The following DENND6B variants were observed in gnomAD, a reference collection of about 807,000 sequenced individuals.
DENND6B encodes the protein DENN domain containing 6B.
In DENND6B, 73 loss-of-function variants were observed where a neutral mutation model predicts 85.1. That is an observed-to-expected ratio of 0.86 (90% CI 0.71 to 1.04). The LOEUF (loss-of-function observed/expected upper bound fraction) is 1.04. Ranked by LOEUF, DENND6B falls within the 50% of genes least tolerant of loss-of-function variation. The pLI is 0.00. For synonymous variants in DENND6B, 357 were observed against 329.3 expected (o/e 1.08, Z -0.91); for missense variants, 715 against 785.8 (o/e 0.91, Z 1.08).
chr22:50,318,817 T>A (rs750127827), intron 3 of DENND6B, 30 bp downstream of exon 3: 8 of 1,611,766 alleles, frequency 5.0e-6, no homozygotes, highest in Middle Eastern at 1.6e-4. Context: ...TGGCTTCATG[T>A]CCAGCCCCAG....
intron 1 of DENND6B, chr22:50,319,583 C>G: frequency 1.1e-6 from 1 of 933,890 alleles, no homozygotes; most frequent in Non-Finnish European, 1.3e-6. Flanking sequence ...CTCCATCTCC[C>G]TCACCACCCG....
In DENND6B at chr22:50,316,688, G is replaced by T. The variant is rs1005813651; in HGVS notation, c.454-213C>A. ...CCCAACACTGAACTCCCTGGGTGGC[G>T]GCCGGTGGGGCTGGACCCTAGGGCC... On this transcript the variant is annotated intron_variant, in intron 5 of 19. Transcript: ENST00000413817. 13 of 1,484,686 alleles carry T rather than the reference G, an allele frequency of 8.8e-6. No homozygotes were observed. In the Admixed American group the frequency reaches 2.6e-4, roughly 30 times the overall value. 92.0% of individuals were successfully genotyped at this position (1,484,686 alleles called of 1,614,324 possible).
chr22:50,319,286 C>T lies in DENND6B; in HGVS notation c.178-283G>A, dbSNP rs552193859. 1.1e-5 allele frequency: 11 copies of T among 985,362 alleles called. No homozygotes were observed. The South Asian group carries it at 4.2e-4, about 38-fold the overall frequency. The allele number at this position is 985,362 out of a possible 1,614,324, so 61.0% of individuals were successfully genotyped here. A position where few individuals can be genotyped will look rare whatever the true frequency, so the allele number is the denominator to read the frequency against. Reference sequence around the variant, plus strand: ...CTTGCTGACCCGCTCCTATCTCTGACCTCCAGGCACCAGGCCCCGGGCAAC... The same window carrying T: ...CTTGCTGACCCGCTCCTATCTCTGATCTCCAGGCACCAGGCCCCGGGCAAC... On this transcript the variant is annotated intron_variant, in intron 1 of 19. Coordinates refer to ENST00000413817, the MANE Select transcript of DENND6B (RefSeq NM_001001794.4).
rs1268649746 is a variant in DENND6B at position 50,327,010 on chromosome 22, G to A, written c.-22C>T. Reference sequence around the variant, plus strand: ...CCATGGCGGCGGCCGCGGGTTGCCGGGGAAACGCGGGCGGGGGCGGCGCGC... The same window carrying A: ...CCATGGCGGCGGCCGCGGGTTGCCGAGGAAACGCGGGCGGGGGCGGCGCGC... On this transcript the variant is annotated 5_prime_UTR_variant, in exon 1 of 20. Coordinates refer to ENST00000413817, the MANE Select transcript of DENND6B (RefSeq NM_001001794.4). 8.6e-7 allele frequency: 1 copy of A among 1,164,864 alleles called. No homozygotes were observed. Among genetic ancestry groups the A allele is most frequent in the Admixed American group, 4.7e-5 (1 of 21,202 alleles). The allele number at this position is 1,164,864 out of a possible 1,614,324, so 72.2% of individuals were successfully genotyped here.
rs747638587 is a variant in DENND6B at position 50,314,662 on chromosome 22, G to A, written c.920C>T (p.Pro307Leu). Reference protein sequence around the residue: ...QPLRFCCDFRPYFTIHDSEFK... With the variant: ...QPLRFCCDFRLYFTIHDSEFK... Reference sequence around the variant, plus strand: ...CTCGCTGTCATGGATGGTGAAGTAGGGACGGAAGTCGCAGCAGAACCTGAG... The same window carrying A: ...CTCGCTGTCATGGATGGTGAAGTAGAGACGGAAGTCGCAGCAGAACCTGAG... Residue 307 changes from proline (P) to leucine (L), a missense_variant, in exon 11 of 20, where the codon CCC becomes CTC. Coordinates refer to ENST00000413817, the MANE Select transcript of DENND6B (RefSeq NM_001001794.4). 6.4e-7 allele frequency: 1 copy of A among 1,567,010 alleles called. No homozygotes were observed. Among genetic ancestry groups the A allele is most frequent in the Non-Finnish European group, 8.6e-7 (1 of 1,156,636 alleles).
At chr22:50,318,280 T>C (rs549620292) in intron 3 of DENND6B, among the ~76,000 whole-genome samples, 5 of 151,918 alleles carry the variant, frequency 3.3e-5, no homozygotes, top group Non-Finnish European at 5.9e-5. Flanking sequence ...GGGGCGGAGG[T>C]TGCAGTGAGC....
chr22:50,314,281 C>T lies in DENND6B; in HGVS notation c.1073-9G>A. The stretch of plus-strand genomic sequence containing the variant: ...TTGCTTAGGCAGGTCTCCTACGAGA[C>T]ACGCCCGGTGGCCAGGCCTCAGTGC... On this transcript the variant is annotated splice_polypyrimidine_tract_variant and intron_variant, in intron 12 of 19. Transcript: ENST00000413817. 8 of 1,608,698 alleles carry T rather than the reference C, an allele frequency of 5.0e-6. No individual in the cohort carries two copies. Among genetic ancestry groups the T allele is most frequent in the Non-Finnish European group, 6.8e-6 (8 of 1,178,564 alleles).
chr22:50,314,093 G>A, intron 13 of DENND6B, 114 bp downstream of exon 13: 4 of 1,365,444 alleles, frequency 2.9e-6, no homozygotes, highest in Non-Finnish European at 3.9e-6. Flanking sequence ...CTGCTGCTGA[G>A]TCCTGGAAGA....
Position 50,314,854 on chromosome 22 carries a change from G to A in DENND6B, c.826C>T (p.Leu276=), listed in dbSNP as rs768503431. The change falls in exon 10 of 20, where the codon CTA becomes TTA. Residue 276 remains leucine (L), a synonymous_variant. Coordinates refer to ENST00000413817, the MANE Select transcript of DENND6B (RefSeq NM_001001794.4). ...WELMLLGEPL[L]VLAPSPDVSS... ...ACGTCGGGCGAGGGTGCCAGGACTA[G>A]CAGGGGCTCCCCGAGGAGCATGAGC... 15 of 1,611,754 alleles carry A rather than the reference G, an allele frequency of 9.3e-6. No homozygotes were observed. The highest frequency in any genetic ancestry group is 8.4e-5 in the Admixed American group (5 of 59,858).
At chr22:50,322,853 T>TA (rs1445131898) in intron 1 of DENND6B, among the ~76,000 whole-genome samples, 1 of 57,314 alleles carries the variant, frequency 1.7e-5, no homozygotes, top group African/African-American at 6.5e-5. Context: ...CCCAGCCTTA[T>TA]TTTTTTTTTT....
rs933119208 is a variant in DENND6B, at chr22:50,312,057, G to A, written c.*82C>T. On this transcript the variant is annotated 3_prime_UTR_variant, in exon 20 of 20. Coordinates refer to ENST00000413817, the MANE Select transcript of DENND6B (RefSeq NM_001001794.4). ...GGGGGGCCAAGGAAGGGGAGCGTGT[G>A]CTTGGCCCAGTGCCGCCACCACTGG... The A allele has an allele frequency of 1.3e-6, 2 of 1,551,488 alleles. No homozygotes were observed. Among genetic ancestry groups the A allele is most frequent in the African/African-American group, 2.7e-5 (2 of 73,644 alleles).
chr22:50,315,071 G>T, intron 9 of DENND6B, 150 bp from the exon 10 acceptor site: 2 of 1,171,202 alleles, frequency 1.7e-6, no homozygotes, highest in Non-Finnish European at 2.4e-6. Flanking sequence ...CTGAAGATGT[G>T]TCTCGGGTAA....
In DENND6B at chr22:50,314,472, T is replaced by C; in HGVS notation, c.1000A>G (p.Thr334Ala). Residue 334 changes from threonine (T) to alanine (A), a missense_variant, in exon 12 of 20, where the codon ACA (threonine) becomes GCA (alanine). By Grantham distance (58) the Thr-to-Ala change is moderately conservative. Coordinates refer to ENST00000413817, the MANE Select transcript of DENND6B (RefSeq NM_001001794.4). ...AGTGTTTTGATAAAGAAAGGGTTTGTGACTCCCAGGACCACGTTTGGTCTA... is the reference window on the plus strand; with the variant it reads ...AGTGTTTTGATAAAGAAAGGGTTTGCGACTCCCAGGACCACGTTTGGTCTA... Reference protein sequence around the residue: ...QAPPNVVLGVTNPFFIKTLQH... With the variant: ...QAPPNVVLGVANPFFIKTLQH... 2.6e-6 allele frequency: 4 copies of C among 1,562,248 alleles called. No individual in the cohort carries two copies. The highest frequency in any genetic ancestry group is 3.5e-6 in the Non-Finnish European group (4 of 1,152,462).
At chr22:50,325,333 CCT>C (rs1491299772) in intron 1 of DENND6B, among the ~76,000 whole-genome samples, 3 of 145,444 alleles carry the variant, frequency 2.1e-5, no homozygotes, top group African/African-American at 5.3e-5. Context: ...AGAGGAACCT[CCT>C]TTTTTTTTTT....
At chr22:50,318,234 T>C (rs1190510338) in intron 3 of DENND6B, among the ~76,000 whole-genome samples, 1 of 152,068 alleles carries the variant, frequency 6.6e-6, no homozygotes, top group Non-Finnish European at 1.5e-5. Context: ...TCCCAACTAC[T>C]CAGGAGGCTG....
At chr22:50,322,572 C>T (rs914370975) in intron 1 of DENND6B, among the ~76,000 whole-genome samples, 1 of 151,664 alleles carries the variant, frequency 6.6e-6, no homozygotes, top group East Asian at 2.0e-4. Flanking sequence ...TGTTCTGAGA[C>T]AGAGTCTCAC....
Position 50,326,971 on chromosome 22 carries a change from G to A in DENND6B, c.18C>T (p.Gly6=). The change falls in exon 1 of 20, where the codon GGC becomes GGT. Residue 6 remains glycine, a synonymous_variant. Transcript: ENST00000413817. ...AGCCGCGAGCCCGGCGAGGCCCTGT[G>A]CCCAACAGCGCGTCCATGGCGGCGG... MDALL[G]TGPRRARGCL... 8.3e-7 allele frequency: 1 copy of A among 1,209,824 alleles called. No homozygotes were observed. The highest frequency in any genetic ancestry group is 1.0e-6 in the Non-Finnish European group (1 of 975,686). 74.9% of individuals were successfully genotyped at this position (1,209,824 alleles called of 1,614,324 possible). A position where few individuals can be genotyped will look rare whatever the true frequency, so the allele number is the denominator to read the frequency against.
intron 4 of DENND6B, among the ~76,000 whole-genome samples, chr22:50,317,620 G>C (rs972029020): frequency 6.6e-6 from 1 of 152,134 alleles, no homozygotes. Context: ...AGAGGGGCTC[G>C]GGGGGCTGGG....
chr22:50,315,837 T>C, intron 8 of DENND6B, 68 bp from the exon 9 acceptor site: 1 of 1,477,462 alleles, frequency 6.8e-7, no homozygotes, highest in South Asian at 1.4e-5. Flanking sequence ...AAGCAGCCCC[T>C]GCCTCACAGC....
Sources: allele counts gnomAD v4.1 joint callset (sites outside exome capture counted in the v4.1 genomes callset), GRCh38; gene constraint gnomAD v4.1.1; transcripts MANE v1.5; gene names NCBI Gene and HGNC (gene_info 2026-07-23, HGNC 2026-07-21).